The following GRID2 variants were observed in gnomAD, a reference collection of about 807,000 sequenced individuals.
GRID2 encodes the protein glutamate receptor ionotropic, delta-2.
Under a neutral mutation model 114.8 loss-of-function variants are expected in GRID2, and 33 were observed. The ratio of observed to expected loss-of-function variants is 0.29; its 90% CI spans 0.22 to 0.38. GRID2 has a LOEUF of 0.38. GRID2 is among the 10% of genes least tolerant of loss of function. The probability of loss-of-function intolerance (pLI) is 1.00; values close to 1 mark genes in which losing one functional copy is unlikely to be tolerated. For synonymous variants in GRID2, 505 were observed against 449.9 expected, an observed-to-expected ratio of 1.12 and a Z score of -1.55; for missense variants, 1,184 against 1,257.7, an observed-to-expected ratio of 0.94 and a Z score of 0.89.
chr4:92,823,395 TA>T (rs1741432996), intron 2 of GRID2, among the ~76,000 whole-genome samples: 2 of 152,298 alleles, frequency 1.3e-5, no homozygotes, highest in South Asian at 4.1e-4. Context: ...TGATATTTGC[TA>T]AATTTGTTAA....
At chr4:93,680,847 G>A (rs1237885279) in intron 14 of GRID2, among the ~76,000 whole-genome samples, 2 of 152,038 alleles carry the variant, frequency 1.3e-5, no homozygotes, top group Non-Finnish European at 2.9e-5. Context: ...AAAACTGGAA[G>A]CATTCCCTTT....
chr4:92,686,564 A>T (rs189179871), intron 2 of GRID2, among the ~76,000 whole-genome samples: 4 of 152,202 alleles, frequency 2.6e-5, no homozygotes, highest in African/African-American at 9.6e-5. Flanking sequence ...CGCTTGCTGG[A>T]TTCAAATCAG....
chr4:92,487,564 TAA>T (rs1722954110), intron 1 of GRID2, among the ~76,000 whole-genome samples: 4 of 152,232 alleles, frequency 2.6e-5, no homozygotes, highest in Admixed American at 2.6e-4. Flanking sequence ...ACATATCCAA[TAA>T]ATAACTACAT....
intron 1 of GRID2, among the ~76,000 whole-genome samples, chr4:92,430,786 T>C (rs376609148): frequency 1.7e-3 from 257 of 152,274 alleles, no homozygotes; most frequent in African/African-American, 6.0e-3. Context: ...CTTGCATCAA[T>C]GTTTTACAGT....
chr4:92,905,456 C>T (rs946734563), intron 2 of GRID2, among the ~76,000 whole-genome samples: 3 of 151,258 alleles, frequency 2.0e-5, no homozygotes, highest in Non-Finnish European at 3.0e-5. Context: ...TAAAAATTTA[C>T]AAATGCATAG....
At chr4:92,492,429 G>C (rs2149114806) in intron 1 of GRID2, among the ~76,000 whole-genome samples, 1 of 152,246 alleles carries the variant, frequency 6.6e-6, no homozygotes, top group Admixed American at 6.5e-5. Context: ...CTGTAATCAG[G>C]CAATTGTATA....
intron 14 of GRID2, among the ~76,000 whole-genome samples, chr4:93,708,874 G>C (rs572076556): frequency 1.3e-5 from 2 of 151,236 alleles, no homozygotes; most frequent in African/African-American, 4.9e-5. Context: ...CAGAGTTTTT[G>C]ATTTAAGGTT....
chr4:93,614,106 G>A (rs533865316), intron 13 of GRID2, among the ~76,000 whole-genome samples: 3 of 152,116 alleles, frequency 2.0e-5, no homozygotes, highest in Non-Finnish European at 2.9e-5. Flanking sequence ...TTCTTTGACT[G>A]GGAAAGGGAA....
chr4:92,949,464 C>G (rs1311049764), intron 2 of GRID2, among the ~76,000 whole-genome samples: 2 of 151,896 alleles, frequency 1.3e-5, no homozygotes, highest in Non-Finnish European at 2.9e-5. Flanking sequence ...CTAAAATAAC[C>G]TTTACATTTT....
chr4:93,366,028 G>A (rs1423064458), intron 8 of GRID2, among the ~76,000 whole-genome samples: 1 of 152,044 alleles, frequency 6.6e-6, no homozygotes, highest in Non-Finnish European at 1.5e-5. Flanking sequence ...TGTCAGCTGA[G>A]GAGGATGTAT....
intron 2 of GRID2, among the ~76,000 whole-genome samples, chr4:93,005,190 T>C (rs1721381626): frequency 6.6e-6 from 1 of 152,096 alleles, no homozygotes; most frequent in Non-Finnish European, 1.5e-5. Context: ...TATAAACCTG[T>C]TCCTCTCTTA....
At chr4:93,116,545 T>C (rs1170254804) in intron 4 of GRID2, among the ~76,000 whole-genome samples, 1 of 152,116 alleles carries the variant, frequency 6.6e-6, no homozygotes, top group Non-Finnish European at 1.5e-5. Flanking sequence ...ATTGCTGTTT[T>C]CAATAACAAA....
intron 1 of GRID2, among the ~76,000 whole-genome samples, chr4:92,393,746 A>G (rs1730361357): frequency 6.6e-6 from 1 of 152,182 alleles, no homozygotes. Context: ...CAAAGGGGGT[A>G]AAATATTATT....
chr4:92,966,430 T>C (rs996029872), intron 2 of GRID2, among the ~76,000 whole-genome samples: 1 of 151,984 alleles, frequency 6.6e-6, no homozygotes, highest in African/African-American at 2.4e-5. Context: ...TGCTCATGAT[T>C]CACATTATGC....
In GRID2 at chr4:92,607,897, A is replaced by G. The variant is rs183397680; in HGVS notation, c.244+17611A>G. On this transcript the variant is annotated intron_variant, in intron 2 of 15. Transcript: ENST00000282020. ...TGTGTGCGTAAACAATAGGATAACA[A>G]GGCAATATGTGTAAGTTCTGTGAAG... Among the ~76,000 whole-genome samples the G allele has an allele frequency of 8.6e-5, 13 of 152,012 alleles. No homozygotes were observed. The Admixed American group carries it at 8.6e-4, about 10-fold the overall frequency.
chr4:92,658,767 G>T (rs116032413), intron 2 of GRID2, among the ~76,000 whole-genome samples: 1,837 of 137,902 alleles, frequency 0.013, 38 homozygotes, highest in African/African-American at 0.046. Flanking sequence ...TACAATGAAT[G>T]TGTTTGCATG....
At chr4:93,536,166 T>C (rs922055800) in intron 13 of GRID2, among the ~76,000 whole-genome samples, 19 of 152,092 alleles carry the variant, frequency 1.2e-4, no homozygotes, top group African/African-American at 3.8e-4. Flanking sequence ...ATCCTTATCA[T>C]GATTCCAATG....
At chr4:92,482,180 C>G (rs1315359840) in intron 1 of GRID2, among the ~76,000 whole-genome samples, 1 of 150,802 alleles carries the variant, frequency 6.6e-6, no homozygotes, top group Non-Finnish European at 1.5e-5. Flanking sequence ...ATGGATGGAG[C>G]TGAAGGCAAT....
intron 13 of GRID2, among the ~76,000 whole-genome samples, chr4:93,577,142 A>G (rs1269545456): frequency 6.6e-6 from 1 of 152,170 alleles, no homozygotes; most frequent in African/African-American, 2.4e-5. Context: ...TTAAGCATGT[A>G]TTAAGTGTTT....
Sources: allele counts gnomAD v4.1 joint callset (sites outside exome capture counted in the v4.1 genomes callset), GRCh38; gene constraint gnomAD v4.1.1; transcripts MANE v1.5; gene names NCBI Gene and HGNC (gene_info 2026-07-23, HGNC 2026-07-21).